Variants in CASZ1 observed in about 807,000 individuals in gnomAD.
The protein encoded by CASZ1 is castor zinc finger 1.
A neutral mutation model predicts 135.2 loss-of-function variants in CASZ1; 28 were observed. The observed-to-expected ratio is 0.21, with a 90% CI of 0.15 to 0.28. CASZ1 has a LOEUF of 0.28. CASZ1 is among the 10% of genes least tolerant of loss of function. The pLI is 1.00. For synonymous variants in CASZ1, 1,068 were observed against 1,073.4 expected (o/e 0.99, Z 0.10); for missense variants, 2,161 against 2,453.3 (o/e 0.88, Z 2.52).
rs1310038419 is a variant in CASZ1, at chr1:10,651,031, A to T, written c.2726T>A (p.Val909Glu). ...VTPARFPPAQ[V>E]KPEPGESTGA... ...GGTGCTCTCACCGGGTTCCGGCTTCACTTGGGCCGGGGGGAACCTGGCTGG... is the reference window on the plus strand; with the variant it reads ...GGTGCTCTCACCGGGTTCCGGCTTCTCTTGGGCCGGGGGGAACCTGGCTGG... Residue 909 changes from valine (V) to glutamate (E), a missense_variant, in exon 12 of 21, where the codon GTG (valine) becomes GAG (glutamate). Transcript: ENST00000377022. The T allele has an allele frequency of 2.6e-6, 4 of 1,558,548 alleles. No individual in the cohort carries two copies. The highest frequency in any genetic ancestry group is 3.4e-6 in the Non-Finnish European group (4 of 1,161,368).
intron 2 of CASZ1, among the ~76,000 whole-genome samples, chr1:10,736,532 G>T (rs774675980): frequency 2.6e-5 from 4 of 152,178 alleles, no homozygotes; most frequent in Non-Finnish European, 4.4e-5. Context: ...CTTAAGAAAC[G>T]CTGGCAACAC....
intron 4 of CASZ1, among the ~76,000 whole-genome samples, chr1:10,689,732 G>C (rs1294602504): frequency 6.6e-6 from 1 of 152,172 alleles, no homozygotes; most frequent in East Asian, 1.9e-4. Flanking sequence ...CCAAAGAAAA[G>C]GTCCAAATAA....
chr1:10,749,024 C>A (rs1275892522), intron 2 of CASZ1, among the ~76,000 whole-genome samples: 1 of 152,190 alleles, frequency 6.6e-6, no homozygotes, highest in Non-Finnish European at 1.5e-5. Context: ...TGATGAGGAG[C>A]CCTGCGGCTG....
chr1:10,728,824 C>T (rs938763656), intron 2 of CASZ1, among the ~76,000 whole-genome samples: 1 of 151,894 alleles, frequency 6.6e-6, no homozygotes, highest in Non-Finnish European at 1.5e-5. Context: ...GCCTGGCCGG[C>T]GCTTGAAGAC....
At chr1:10,691,357 C>T (rs2100400900) in intron 4 of CASZ1, among the ~76,000 whole-genome samples, 1 of 152,266 alleles carries the variant, frequency 6.6e-6, no homozygotes, top group South Asian at 2.1e-4. Flanking sequence ...CCACATGGCC[C>T]CTGAGGGTCC....
intron 2 of CASZ1, among the ~76,000 whole-genome samples, chr1:10,733,413 CAGCACCCT>C: frequency 6.6e-6 from 1 of 152,218 alleles, no homozygotes; most frequent in Non-Finnish European, 1.5e-5. Flanking sequence ...GCTCATGGTA[CAGCACCCT>C]ACCAGGGCCA....
intron 2 of CASZ1, among the ~76,000 whole-genome samples, chr1:10,742,741 T>C (rs1357771116): frequency 3.3e-5 from 5 of 152,100 alleles, no homozygotes; most frequent in Non-Finnish European, 5.9e-5. Context: ...CTCATCACTT[T>C]GGAAGGCTGA....
In CASZ1 at chr1:10,711,331, T is replaced by G. The variant is rs890870645; in HGVS notation, c.-76-5787A>C. 6.6e-6 allele frequency among the ~76,000 whole-genome samples: 1 copy of G among 152,190 alleles called. No homozygotes were observed. The highest frequency in any genetic ancestry group is 2.4e-5 in the African/African-American group (1 of 41,444). Reference sequence around the variant, plus strand: ...GTTCATTCAGTATTTCTTGGGCACCTACTACATGCTATTAGATCCTTGTCC... The same window carrying G: ...GTTCATTCAGTATTTCTTGGGCACCGACTACATGCTATTAGATCCTTGTCC... On this transcript the variant is annotated intron_variant, in intron 2 of 20. Coordinates refer to ENST00000377022, the MANE Select transcript of CASZ1 (RefSeq NM_001079843.3). This position sits in a 1 kb window ranked among gnomAD's most constrained non-coding sequence, Gnocchi z 4.4.
In CASZ1 at chr1:10,788,323, C is replaced by T. The variant is rs1204325713; in HGVS notation, c.-234+8241G>A. Among the ~76,000 whole-genome samples, 1 of 152,178 alleles carries T rather than the reference C, an allele frequency of 6.6e-6. No homozygotes were observed. The highest frequency in any genetic ancestry group is 2.4e-5 in the African/African-American group (1 of 41,430). ...ACAGTTTGACAGCACTCTCCTCTCC[C>T]AGTGCAGAGGCAGGCAGGTGGGAGT... On this transcript the variant is annotated intron_variant, in intron 1 of 20. Coordinates refer to ENST00000377022, the MANE Select transcript of CASZ1 (RefSeq NM_001079843.3). This position sits in a 1 kb window ranked among gnomAD's most constrained non-coding sequence, Gnocchi z 4.1.
chr1:10,691,064 C>T (rs1205959349), intron 4 of CASZ1, among the ~76,000 whole-genome samples: 18 of 147,522 alleles, frequency 1.2e-4, no homozygotes, highest in African/African-American at 4.4e-4. Context: ...CTATGTCCTC[C>T]TCTCTTCCTC....
At chr1:10,764,574 C>T (rs1640438624) in intron 1 of CASZ1, among the ~76,000 whole-genome samples, 1 of 152,208 alleles carries the variant, frequency 6.6e-6, no homozygotes, top group South Asian at 2.1e-4. Context: ...CACGAAGTGA[C>T]TTGCCAAGGA....
At chr1:10,703,407 C>T (rs1018545968) in intron 3 of CASZ1, among the ~76,000 whole-genome samples, 1 of 152,178 alleles carries the variant, frequency 6.6e-6, no homozygotes, top group Non-Finnish European at 1.5e-5. Flanking sequence ...CAGACCTGGA[C>T]TACCCCCTCA....
chr1:10,711,109 C>G lies in CASZ1; in HGVS notation c.-76-5565G>C, dbSNP rs900438033. 1.4e-4 allele frequency among the ~76,000 whole-genome samples: 21 copies of G among 151,948 alleles called. No individual in the cohort carries two copies. The highest frequency in any genetic ancestry group is 2.1e-4 in the Non-Finnish European group (14 of 67,988). On this transcript the variant is annotated intron_variant, in intron 2 of 20. Transcript: ENST00000377022. This position sits in a 1 kb window ranked among gnomAD's most constrained non-coding sequence, Gnocchi z 4.4. ...TCATGCAACTACACTCCAGCCTGGG[C>G]GACAGAGCGAGACTCCGTCTTGGGG...
rs1405350515 is a variant in CASZ1 at position 10,646,881 on chromosome 1, C to T, written c.3498-555G>A. On this transcript the variant is annotated intron_variant, in intron 16 of 20. Coordinates refer to ENST00000377022, the MANE Select transcript of CASZ1 (RefSeq NM_001079843.3). The surrounding 1 kb of genome is among the most constrained non-coding windows in gnomAD (Gnocchi z 6.4). Reference sequence around the variant, plus strand: ...GGATCAACTCGGGGCCCATGGTGCCCACCCACTCAGACCTCACTTGCCGGC... The same window carrying T: ...GGATCAACTCGGGGCCCATGGTGCCTACCCACTCAGACCTCACTTGCCGGC... 1.3e-5 allele frequency among the ~76,000 whole-genome samples: 2 copies of T among 152,210 alleles called. No homozygotes were observed. Among genetic ancestry groups the T allele is most frequent in the African/African-American group, 4.8e-5 (2 of 41,448 alleles).
At chr1:10,659,131 T>C (rs772124019) in intron 6 of CASZ1, among the ~76,000 whole-genome samples, 5 of 151,976 alleles carry the variant, frequency 3.3e-5, no homozygotes, top group Non-Finnish European at 7.4e-5. Flanking sequence ...GCTGTAAGGG[T>C]GTATGCACCT....
chr1:10,700,147 G>A lies in CASZ1; in HGVS notation c.-24+5345C>T, dbSNP rs1639031986. ...ATGAAGCAGGGACCTGGGCTAGTTG[G>A]GTTGCCCTGTGGGCCTGGCCCAGCC... On this transcript the variant is annotated intron_variant, in intron 3 of 20. Coordinates refer to ENST00000377022, the MANE Select transcript of CASZ1 (RefSeq NM_001079843.3). This position sits in a 1 kb window ranked among gnomAD's most constrained non-coding sequence, Gnocchi z 4.2. Among the ~76,000 whole-genome samples, 2 of 144,672 alleles carry A rather than the reference G, an allele frequency of 1.4e-5. No individual in the cohort carries two copies. The highest frequency in any genetic ancestry group is 5.2e-5 in the African/African-American group (2 of 38,420). 94.9% of individuals were successfully genotyped at this position (144,672 alleles called of 152,430 possible). A position where few individuals can be genotyped will look rare whatever the true frequency, so the allele number is the denominator to read the frequency against.
intron 2 of CASZ1, among the ~76,000 whole-genome samples, chr1:10,731,416 C>T (rs1639700587): frequency 6.6e-6 from 1 of 151,964 alleles, no homozygotes; most frequent in African/African-American, 2.4e-5. Flanking sequence ...GACCTTATCT[C>T]TACTAAAAAT....
At position 10,759,339 on chromosome 1, in the gene CASZ1, C is replaced by T. The variant is rs72643213; in HGVS notation, c.-77+1362G>A. On this transcript the variant is annotated intron_variant, in intron 2 of 20. Transcript: ENST00000377022. The surrounding 1 kb of genome is among the most constrained non-coding windows in gnomAD (Gnocchi z 4.2). The stretch of plus-strand genomic sequence containing the variant: ...ACGCCAAGCCCAGAAGACTTCAGCG[C>T]CACGAAACTCCCCCCACGGCCTTTT... Among the ~76,000 whole-genome samples, 62 of 152,254 alleles carry T rather than the reference C, an allele frequency of 4.1e-4. No homozygotes were observed. Among genetic ancestry groups the T allele is most frequent in the Admixed American group, 2.1e-3 (32 of 15,300 alleles).
intron 17 of CASZ1, among the ~76,000 whole-genome samples, chr1:10,645,785 C>T (rs1174571837): frequency 6.6e-6 from 1 of 152,128 alleles, no homozygotes; most frequent in African/African-American, 2.4e-5. Flanking sequence ...TGTGTGGGCA[C>T]GGACAATGGG....
Sources: gnomAD v4.1 joint callset for allele counts (sites outside exome capture counted in the v4.1 genomes callset) on GRCh38, gnomAD v4.1.1 for gene constraint, Gnocchi (gnomAD v3.1) non-coding constraint, MANE v1.5 for transcripts, NCBI Gene and HGNC (gene_info 2026-07-23, HGNC 2026-07-21) for gene names.